The following SCLT1 variants were observed in gnomAD, a reference collection of about 807,000 sequenced individuals.
SCLT1 encodes the protein sodium channel-associated protein 1.
SCLT1 carries 78 observed loss-of-function variants against 112.8 expected under a neutral mutation model. The ratio of observed to expected loss-of-function variants is 0.69; its 90% confidence interval spans 0.58 to 0.83. The LOEUF (loss-of-function observed/expected upper bound fraction) is 0.83, where lower values mean the gene tolerates loss of function less well. Among genes scored for constraint, SCLT1 ranks in the 40% least tolerant of loss-of-function variants. The pLI, the probability that SCLT1 is intolerant of heterozygous loss-of-function variation, is 0.00. For missense variants in SCLT1, 747 were observed against 770.4 expected, an observed-to-expected ratio of 0.97 and a Z score of 0.36; for synonymous variants, 257 against 254.7, an observed-to-expected ratio of 1.01 and a Z score of -0.09.
In SCLT1 at chr4:129,093,097, C is replaced by T. The variant is rs1324626785; in HGVS notation, c.7G>A (p.Ala3Thr). The change falls in exon 1 of 21, where the codon GCA becomes ACA. Residue 3 changes from alanine (A) to threonine (T), a missense_variant. Physicochemically the swap from Ala to Thr is moderately conservative, Grantham distance 58. Around this residue, in one of 2 missense-constraint regions of SCLT1, gnomAD observed 723 missense variants for 721.3 expected, o/e 1.00. Transcript: ENST00000281142. MA[A>T]EIDFLREQNR... ...TGCTCTCTCAGAAAGTCGATTTCTG[C>T]AGCCATTTCGATACAATTTTAGTTT... is the stretch of plus-strand genomic sequence containing the variant. 30 of 1,613,184 alleles carry T rather than the reference C, an allele frequency of 1.9e-5. No individual in the cohort carries two copies. The highest frequency in any genetic ancestry group is 2.4e-5 in the Non-Finnish European group (28 of 1,179,190).
intron 2 of SCLT1, among the ~76,000 whole-genome samples, chr4:129,056,970 G>T (rs949424442): frequency 2.6e-5 from 4 of 152,204 alleles, no homozygotes; most frequent in Admixed American, 1.3e-4. Context: ...CTGTGGGTTT[G>T]TCATATATGG....
At chr4:129,051,790 C>T (rs940227270) in intron 2 of SCLT1, among the ~76,000 whole-genome samples, 4 of 152,140 alleles carry the variant, frequency 2.6e-5, no homozygotes, top group Admixed American at 1.3e-4. Flanking sequence ...GAGAGGGCAT[C>T]CTTGTCACGT....
intron 5 of SCLT1, among the ~76,000 whole-genome samples, chr4:129,023,892 C>T (rs1745740907): frequency 1.3e-5 from 2 of 152,238 alleles, no homozygotes; most frequent in Admixed American, 6.5e-5. Context: ...TTATATCCCG[C>T]ACCTGGCTTG....
intron 5 of SCLT1, among the ~76,000 whole-genome samples, chr4:129,010,850 G>A (rs780587345): frequency 6.6e-6 from 1 of 152,134 alleles, no homozygotes; most frequent in African/African-American, 2.4e-5. Flanking sequence ...TATAGATATA[G>A]AATCCTGCCA....
At chr4:128,959,909 C>T (rs1437417829) in intron 11 of SCLT1, 132 bp from the exon 12 acceptor site, 3 of 671,950 alleles carry the variant, frequency 4.5e-6, no homozygotes, top group Admixed American at 5.6e-5. Flanking sequence ...TCATTTGATA[C>T]TCATTACCCT....
chr4:129,013,996 T>C (rs1203502373), intron 5 of SCLT1, among the ~76,000 whole-genome samples: 2 of 152,218 alleles, frequency 1.3e-5, no homozygotes, highest in African/African-American at 4.8e-5. Flanking sequence ...TTGGAGGTTT[T>C]GTTCACTCCT....
intron 1 of SCLT1, among the ~76,000 whole-genome samples, chr4:129,092,786 C>G (rs1752962715): frequency 6.6e-6 from 1 of 152,184 alleles, no homozygotes; most frequent in African/African-American, 2.4e-5. Flanking sequence ...CTTGGAAACT[C>G]CTGCTGGCCA....
intron 18 of SCLT1, among the ~76,000 whole-genome samples, chr4:128,903,809 G>A (rs987273932): frequency 1.3e-5 from 2 of 152,072 alleles, no homozygotes; most frequent in Non-Finnish European, 2.9e-5. Context: ...CAGGGATAAA[G>A]GAAAGACCCG....
At chr4:129,040,223 A>G in intron 4 of SCLT1, 1 of 702,750 alleles carries the variant, frequency 1.4e-6, no homozygotes, top group Non-Finnish European at 2.6e-6. Flanking sequence ...CTGAAACACA[A>G]TTAAACCAAC....
chr4:129,039,960 G>A, intron 4 of SCLT1: 3 of 479,202 alleles, frequency 6.3e-6, no homozygotes, highest in East Asian at 3.4e-5. Context: ...GTAAAAGCAT[G>A]CAAAATCTCA....
At chr4:128,964,102 TA>T (rs1398386635) in intron 11 of SCLT1, among the ~76,000 whole-genome samples, 1 of 152,156 alleles carries the variant, frequency 6.6e-6, no homozygotes, top group Non-Finnish European at 1.5e-5. Context: ...AAAAGATTTT[TA>T]AAAAAGTACT....
chr4:129,009,881 C>T (rs72924141), intron 5 of SCLT1, among the ~76,000 whole-genome samples: 2,954 of 152,136 alleles, frequency 0.019, 84 homozygotes, highest in African/African-American at 0.061. Context: ...AAAAATGTTC[C>T]CCCACTTTGT....
chr4:128,967,858 T>C (rs953877037), intron 10 of SCLT1, among the ~76,000 whole-genome samples: 4 of 152,196 alleles, frequency 2.6e-5, no homozygotes, highest in Non-Finnish European at 5.9e-5. Flanking sequence ...TTTAATTAGG[T>C]CCCACTTGTC....
Position 129,005,958 on chromosome 4 carries a change from C to T in SCLT1, c.291-2082G>A, listed in dbSNP as rs369327846. On this transcript the variant is annotated intron_variant, in intron 5 of 20. Transcript: ENST00000281142. ...GCATATTCTCACTCACAGATGGGAA[C>T]TGAACAATGAGAACACATGGACACA... Among the ~76,000 whole-genome samples the T allele has an allele frequency of 6.4e-5, 9 of 141,240 alleles. No individual in the cohort carries two copies. The East Asian group carries it at 1.5e-3, about 24-fold the overall frequency. The allele number at this position is 141,240 out of a possible 152,430, so 92.7% of individuals were successfully genotyped here. A position where few individuals can be genotyped will look rare whatever the true frequency, so the allele number is the denominator to read the frequency against.
intron 11 of SCLT1, among the ~76,000 whole-genome samples, chr4:128,960,678 TG>T (rs754031123): frequency 3.2e-4 from 48 of 151,700 alleles, no homozygotes; most frequent in Non-Finnish European, 5.9e-4. Context: ...CCCAGCACTT[TG>T]GGAGGCCGAG....
At chr4:128,942,067 T>A (rs1033696884) in intron 17 of SCLT1, among the ~76,000 whole-genome samples, 3 of 152,112 alleles carry the variant, frequency 2.0e-5, no homozygotes, top group Non-Finnish European at 2.9e-5. Flanking sequence ...TCTTGATATC[T>A]GGCGGTATGG....
At chr4:129,034,181 T>C (rs965011533) in intron 5 of SCLT1, among the ~76,000 whole-genome samples, 2 of 152,156 alleles carry the variant, frequency 1.3e-5, no homozygotes, top group Non-Finnish European at 2.9e-5. Flanking sequence ...GGCTTTATTA[T>C]TGTTTTTGTA....
chr4:128,899,255 C>T (rs1734060569), intron 18 of SCLT1, among the ~76,000 whole-genome samples: 1 of 152,164 alleles, frequency 6.6e-6, no homozygotes, highest in Non-Finnish European at 1.5e-5. Context: ...CCCTGATGAA[C>T]ATCGATGCAA....
At chr4:128,931,320 T>C (rs1260111509) in intron 18 of SCLT1, among the ~76,000 whole-genome samples, 3 of 152,180 alleles carry the variant, frequency 2.0e-5, no homozygotes, top group African/African-American at 7.2e-5. Context: ...AATTCGACAG[T>C]ATGACTAAAA....
Sources: allele counts gnomAD v4.1 joint callset (sites outside exome capture counted in the v4.1 genomes callset), GRCh38; gene constraint gnomAD v4.1.1; regional missense constraint gnomAD v4.1.1; transcripts MANE v1.5; gene names NCBI Gene and HGNC (gene_info 2026-07-23, HGNC 2026-07-21).